DNAI3: variants seen among roughly 807,000 people sequenced by gnomAD.
DNAI3 encodes the protein WD repeat domain 63.
DNAI3 carries 83 observed loss-of-function variants against 115.5 expected under a neutral mutation model. That is an observed-to-expected ratio of 0.72 (90% CI 0.60 to 0.86). The LOEUF is 0.86. Among genes scored for constraint, DNAI3 ranks in the 40% least tolerant of loss-of-function variants. DNAI3 has a pLI of 0.00. For missense variants in DNAI3, 1,004 were observed against 1,075.8 expected (o/e 0.93, Z 0.93); for synonymous variants, 320 against 347.0 (o/e 0.92, Z 0.86).
chr1:85,130,710 TAG>T, intron 22 of DNAI3, among the ~76,000 whole-genome samples: 1 of 121,724 alleles, frequency 8.2e-6, no homozygotes, highest in Non-Finnish European at 1.8e-5. Flanking sequence ...GATAGATAGA[TAG>T]ATAGATAAAT....
At chr1:85,085,717 G>A (rs971309862) in intron 6 of DNAI3, 114 bp from the exon 7 acceptor site, 1 of 798,586 alleles carries the variant, frequency 1.3e-6, no homozygotes, top group South Asian at 1.8e-5. Flanking sequence ...TGCAGAGCTG[G>A]AGGTGCTCAC....
At position 85,097,668 on chromosome 1, in the gene DNAI3, C is replaced by T; in HGVS notation, c.1350+13C>T. 1 of 1,597,852 alleles carries T rather than the reference C, an allele frequency of 6.3e-7. No individual in the cohort carries two copies. The highest frequency in any genetic ancestry group is 8.5e-7 in the Non-Finnish European group (1 of 1,173,160). Reference sequence around the variant, plus strand: ...AGCCACACTGAAGGTAAGCTTTTTACAACATTTCACTTGCAAGTTTTTTCC... The same window carrying T: ...AGCCACACTGAAGGTAAGCTTTTTATAACATTTCACTTGCAAGTTTTTTCC... On this transcript the variant is annotated intron_variant, in intron 12 of 22. Coordinates refer to ENST00000294664, the MANE Select transcript of DNAI3 (RefSeq NM_145172.5).
chr1:85,131,829 A>T (rs983887325), intron 22 of DNAI3, among the ~76,000 whole-genome samples: 28 of 152,222 alleles, frequency 1.8e-4, no homozygotes, highest in Non-Finnish European at 4.1e-4. Flanking sequence ...AGAATTGTGG[A>T]TAATCCAAAA....
chr1:85,111,974 C>T lies in DNAI3; in HGVS notation c.1786+1839C>T, dbSNP rs1296670926. ...TTCCCTCCAGCACCTCCCTCACTCCCAGGCCACAACGGATCTACTTTCTGT... is the reference window on the plus strand; with the variant it reads ...TTCCCTCCAGCACCTCCCTCACTCCTAGGCCACAACGGATCTACTTTCTGT... On this transcript the variant is annotated intron_variant, in intron 16 of 22. Coordinates refer to ENST00000294664, the MANE Select transcript of DNAI3 (RefSeq NM_145172.5). Among the ~76,000 whole-genome samples the T allele has an allele frequency of 2.6e-5, 4 of 152,172 alleles. No homozygotes were observed. In the East Asian group the frequency reaches 7.7e-4, roughly 29 times the overall value.
chr1:85,087,256 T>C (rs12033128), intron 7 of DNAI3, among the ~76,000 whole-genome samples: 13,277 of 151,588 alleles, frequency 0.088, 830 homozygotes, highest in East Asian at 0.24. Flanking sequence ...GCCAACACGG[T>C]GAAACCCCGT....
chr1:85,113,060 C>T (rs1045693286), intron 16 of DNAI3, among the ~76,000 whole-genome samples: 9 of 152,240 alleles, frequency 5.9e-5, no homozygotes, highest in Non-Finnish European at 8.8e-5. Flanking sequence ...TGAGCCACCA[C>T]ATCTGGCCTG....
intron 1 of DNAI3, among the ~76,000 whole-genome samples, chr1:85,062,810 A>G (rs942844381): frequency 6.9e-6 from 1 of 144,296 alleles, no homozygotes; most frequent in African/African-American, 2.8e-5. Flanking sequence ...CAGTTAATGA[A>G]TGAATGAATG....
chr1:85,095,881 A>T (rs1281478904), intron 10 of DNAI3, 50 bp from the exon 11 acceptor site: 14 of 1,285,430 alleles, frequency 1.1e-5, no homozygotes, highest in Admixed American at 1.7e-5. Context: ...TCTCGCCATG[A>T]TCTTAATCTC....
At chr1:85,126,456 C>A in intron 19 of DNAI3, 55 bp from the exon 20 acceptor site, 1 of 1,530,300 alleles carries the variant, frequency 6.5e-7, no homozygotes, top group Non-Finnish European at 8.8e-7. Flanking sequence ...TGGTGAATTT[C>A]CCTCAGATAA....
At chr1:85,099,002 T>TG (rs1239430922) in intron 13 of DNAI3, among the ~76,000 whole-genome samples, 2 of 152,198 alleles carry the variant, frequency 1.3e-5, no homozygotes, top group African/African-American at 2.4e-5. Context: ...CTCAGATATC[T>TG]GGGGGAAGGG....
intron 2 of DNAI3, 82 bp from the exon 3 acceptor site, chr1:85,072,972 A>AAAG (rs76961293): frequency 0.038 from 19,125 of 500,308 alleles, 1,976 homozygotes; most frequent in South Asian, 0.037. Flanking sequence ...AAAAAAAAAA[A>AAAG]AAGAAGAAAT....
chr1:85,094,335 G>A, intron 9 of DNAI3, 96 bp from the exon 10 acceptor site: 1 of 1,518,202 alleles, frequency 6.6e-7, no homozygotes, highest in Non-Finnish European at 8.9e-7. Flanking sequence ...TGGACAAAGT[G>A]TAAATGAAGA....
At chr1:85,080,961 A>G (rs2100566140) in intron 3 of DNAI3, among the ~76,000 whole-genome samples, 1 of 152,308 alleles carries the variant, frequency 6.6e-6, no homozygotes, top group Non-Finnish European at 1.5e-5. Context: ...TGAGGTATAT[A>G]TGGAATGACT....
At chr1:85,129,487 A>G (rs987455592) in intron 21 of DNAI3, among the ~76,000 whole-genome samples, 3 of 152,002 alleles carry the variant, frequency 2.0e-5, no homozygotes, top group African/African-American at 7.2e-5. Context: ...TCCAGGGACC[A>G]GGAATTCAGC....
At chr1:85,084,803 T>G in intron 6 of DNAI3, 108 bp downstream of exon 6, 1 of 1,153,176 alleles carries the variant, frequency 8.7e-7, no homozygotes, top group South Asian at 3.7e-5. Context: ...GGCATAGTTT[T>G]TGGTGTGTTG....
At chr1:85,084,779 G>T in intron 6 of DNAI3, 84 bp downstream of exon 6, 1 of 1,266,148 alleles carries the variant, frequency 7.9e-7, no homozygotes, top group Non-Finnish European at 1.0e-6. Context: ...AAGGTTTACT[G>T]TGTTTGCTAT....
intron 16 of DNAI3, among the ~76,000 whole-genome samples, chr1:85,113,191 T>C (rs777355430): frequency 2.6e-5 from 4 of 152,238 alleles, no homozygotes; most frequent in Non-Finnish European, 4.4e-5. Context: ...TGTTGTCTCA[T>C]CTCTTAGCAG....
chr1:85,107,843 T>A (rs1398410127), intron 14 of DNAI3, among the ~76,000 whole-genome samples, 190 bp from the exon 15 acceptor site: 1 of 152,176 alleles, frequency 6.6e-6, no homozygotes, highest in East Asian at 1.9e-4. Context: ...AGGGAGGCTG[T>A]TAACTCAATA....
chr1:85,082,964 C>T (rs2100568566), intron 5 of DNAI3, among the ~76,000 whole-genome samples: 1 of 152,210 alleles, frequency 6.6e-6, no homozygotes, highest in South Asian at 2.1e-4. Flanking sequence ...AATGGTGGCA[C>T]CATTATTGCA....
Sources: allele counts gnomAD v4.1 joint callset (sites outside exome capture counted in the v4.1 genomes callset), GRCh38; gene constraint gnomAD v4.1.1; transcripts MANE v1.5; gene names NCBI Gene and HGNC (gene_info 2026-07-23, HGNC 2026-07-21).